Variants in KAZN observed in about 807,000 individuals in gnomAD.
KAZN encodes kazrin, periplakin interacting protein.
A neutral mutation model predicts 87.4 loss-of-function variants in KAZN; 40 were observed. The observed-to-expected ratio is 0.46, with a 90% CI of 0.36 to 0.60. The LOEUF (loss-of-function observed/expected upper bound fraction) is 0.60, where lower values mean the gene tolerates loss of function less well. KAZN is among the 20% of genes least tolerant of loss of function. KAZN has a pLI of 0.00. For missense variants in KAZN, 898 were observed against 1,073.9 expected (o/e 0.84, Z 2.29); for synonymous variants, 466 against 458.3 (o/e 1.02, Z -0.22).
chr1:15,018,289 C>T (rs1184508792), intron 2 of KAZN, among the ~76,000 whole-genome samples: 1 of 152,022 alleles, frequency 6.6e-6, no homozygotes, highest in Non-Finnish European at 1.5e-5. Context: ...CTGAGAATGG[C>T]GGTCTAAATA....
Position 13,920,243 on chromosome 1 carries a change from CAA to C in KAZN, c.91+26506_91+26507del, listed in dbSNP as rs56221437. On this transcript the variant is annotated intron_variant, in intron 1 of 16. Transcript: ENST00000636203. ...CCAGTGACACAGCGAGACCCTGTCTCAAAAAAAAAAAAAAAAAAAAGGTTATT... is the reference window on the plus strand; with the variant it reads ...CCAGTGACACAGCGAGACCCTGTCTCAAAAAAAAAAAAAAAAAAGGTTATT... 7.8e-3 allele frequency among the ~76,000 whole-genome samples: 562 copies of C among 71,738 alleles called. 2 individuals are homozygous for C. The highest frequency in any genetic ancestry group is 0.024 in the African/African-American group (501 of 20,650). The allele number at this position is 71,738 out of a possible 152,430, so 47.1% of individuals were successfully genotyped here. A position where few individuals can be genotyped will look rare whatever the true frequency, so the allele number is the denominator to read the frequency against.
intron 1 of KAZN, among the ~76,000 whole-genome samples, chr1:13,941,208 C>CA (rs201485155): frequency 3.1e-4 from 47 of 151,430 alleles, no homozygotes; most frequent in South Asian, 8.3e-4. Context: ...ACAACAACAA[C>CA]AAAAAAAAAA....
Position 14,984,951 on chromosome 1 carries a change from T to C in KAZN, c.418+24076T>C, listed in dbSNP as rs145276025. Among the ~76,000 whole-genome samples the C allele has an allele frequency of 9.3e-3, 1,411 of 151,238 alleles. 17 individuals are homozygous for C. Among genetic ancestry groups the C allele is most frequent in the African/African-American group, 0.033 (1,352 of 41,222 alleles). On this transcript the variant is annotated intron_variant, in intron 2 of 14. Coordinates refer to ENST00000376030, the MANE Select transcript of KAZN (RefSeq NM_201628.3). The stretch of plus-strand genomic sequence containing the variant: ...AGGAGTTCAAGACCAGCCTGGCCAA[T>C]ATGATGAAACCTCGTCTCTACTACA...
chr1:14,896,676 CT>C lies in KAZN; in HGVS notation c.227-64004del, dbSNP rs201506333. ...CCCAGCAGTGGGACAGAAAGCCCAT[CT>C]TTTCTAGGGCCAAGAGAGGAACTTT... is the stretch of plus-strand genomic sequence containing the variant. On this transcript the variant is annotated intron_variant, in intron 1 of 14. Coordinates refer to ENST00000376030, the MANE Select transcript of KAZN (RefSeq NM_201628.3). 9.1e-3 allele frequency among the ~76,000 whole-genome samples: 1,392 copies of C among 152,270 alleles called. 112 individuals are homozygous for C. Among genetic ancestry groups the C allele is most frequent in the Admixed American group, 0.086 (1,314 of 15,288 alleles).
intron 2 of KAZN, among the ~76,000 whole-genome samples, chr1:14,203,222 T>G (rs1183514687): frequency 6.6e-6 from 1 of 152,000 alleles, no homozygotes; most frequent in Non-Finnish European, 1.5e-5. Flanking sequence ...TCAAATAGAT[T>G]TTGGAAGAGT....
At position 13,894,457 on chromosome 1, in the gene KAZN, T is replaced by C. The variant is rs1570200010; in HGVS notation, c.91+701T>C. On this transcript the variant is annotated intron_variant, in intron 1 of 16. Transcript: ENST00000636203. The stretch of plus-strand genomic sequence containing the variant: ...GTGCAAATAGTCACCATGCTCAAAC[T>C]CACAAGTGGTGCTTAAGACATGCTT... 2.0e-5 allele frequency among the ~76,000 whole-genome samples: 3 copies of C among 152,166 alleles called. No homozygotes were observed. The South Asian group carries it at 6.2e-4, about 32-fold the overall frequency.
intron 2 of KAZN, among the ~76,000 whole-genome samples, chr1:14,234,275 A>G (rs1371018136): frequency 2.0e-5 from 3 of 152,194 alleles, no homozygotes; most frequent in Non-Finnish European, 4.4e-5. Flanking sequence ...GAAACTGGAA[A>G]CCATCATTCT....
At chr1:14,809,465 C>T (rs1404140864) in intron 1 of KAZN, among the ~76,000 whole-genome samples, 3 of 152,182 alleles carry the variant, frequency 2.0e-5, no homozygotes, top group Admixed American at 6.5e-5. Context: ...ACATCACTTC[C>T]TGCTTTTGAT....
At position 13,971,235 on chromosome 1, in the gene KAZN, C is replaced by G. The variant is rs551000348; in HGVS notation, c.91+77479C>G. ...TGCAGGGATATAACAGTGAGCAAAC[C>G]TAATTGTAAAAGAGAGCAAGTGGAA... On this transcript the variant is annotated intron_variant, in intron 1 of 16. Coordinates refer to the KAZN transcript ENST00000636203. 3.3e-5 allele frequency among the ~76,000 whole-genome samples: 5 copies of G among 152,286 alleles called. No individual in the cohort carries two copies. The South Asian group carries it at 6.2e-4, about 19-fold the overall frequency.
intron 2 of KAZN, among the ~76,000 whole-genome samples, chr1:14,360,451 C>T (rs553148420): frequency 7.9e-5 from 12 of 152,166 alleles, no homozygotes; most frequent in Non-Finnish European, 1.5e-4. Flanking sequence ...GTCAATTCAT[C>T]AAACTCATTC....
chr1:14,450,937 T>C (rs1194263978), intron 2 of KAZN, among the ~76,000 whole-genome samples: 1 of 151,914 alleles, frequency 6.6e-6, no homozygotes, highest in East Asian at 1.9e-4. Context: ...CTCGGTGCTG[T>C]CCTCCCGATA....
Position 14,735,613 on chromosome 1 carries a change from T to C in KAZN, c.226+136390T>C, listed in dbSNP as rs1643877849. ...GCAGCCCCCCACGCTGAGATCCATA[T>C]ACCCAAACATCAGCGAGGCTGCCGT... is the stretch of plus-strand genomic sequence containing the variant. On this transcript the variant is annotated intron_variant, in intron 1 of 14. Transcript: ENST00000376030. The surrounding 1 kb of genome is among the most constrained non-coding windows in gnomAD (Gnocchi z 4.3). 6.6e-6 allele frequency among the ~76,000 whole-genome samples: 1 copy of C among 152,118 alleles called. No homozygotes were observed. The highest frequency in any genetic ancestry group is 1.5e-5 in the Non-Finnish European group (1 of 68,028).
At chr1:14,991,213 G>T (rs1667321313) in intron 2 of KAZN, among the ~76,000 whole-genome samples, 1 of 152,020 alleles carries the variant, frequency 6.6e-6, no homozygotes, top group South Asian at 2.1e-4. Context: ...AATTATCCGG[G>T]CGTGGTGGTG....
intron 1 of KAZN, among the ~76,000 whole-genome samples, chr1:14,748,464 G>A (rs904520514): frequency 1.3e-5 from 2 of 152,104 alleles, no homozygotes; most frequent in Admixed American, 1.3e-4. Flanking sequence ...GAAGGGAGTT[G>A]TACACTTCTT....
At chr1:14,146,948 G>A (rs1017472774) in intron 1 of KAZN, among the ~76,000 whole-genome samples, 11 of 152,090 alleles carry the variant, frequency 7.2e-5, no homozygotes. Flanking sequence ...CCAAGACAGT[G>A]AGACCAACCT....
intron 8 of KAZN, among the ~76,000 whole-genome samples, chr1:15,082,496 A>G (rs1406624730): frequency 6.6e-6 from 1 of 152,232 alleles, no homozygotes; most frequent in African/African-American, 2.4e-5. Flanking sequence ...TAGTAAAAGA[A>G]GAAAAAAAAT....
intron 1 of KAZN, among the ~76,000 whole-genome samples, chr1:13,918,668 G>C: frequency 6.6e-6 from 1 of 152,368 alleles, no homozygotes; most frequent in South Asian, 2.1e-4. Context: ...GTCCATTGAT[G>C]TGGCAAACTT....
intron 2 of KAZN, among the ~76,000 whole-genome samples, chr1:14,360,744 C>T (rs1452062657): frequency 6.6e-6 from 1 of 152,228 alleles, no homozygotes; most frequent in Admixed American, 6.5e-5. Flanking sequence ...TCCAGACCCT[C>T]TTTGCCTGGC....
chr1:14,211,404 T>C (rs1184866214), intron 2 of KAZN, among the ~76,000 whole-genome samples: 1 of 152,248 alleles, frequency 6.6e-6, no homozygotes, highest in Middle Eastern at 3.4e-3. Context: ...TTTTGTATTT[T>C]TAGTAGAGAC....
Sources: gnomAD v4.1 joint callset for allele counts (sites outside exome capture counted in the v4.1 genomes callset) on GRCh38, gnomAD v4.1.1 for gene constraint, Gnocchi (gnomAD v3.1) non-coding constraint, MANE v1.5 for transcripts, NCBI Gene and HGNC (gene_info 2026-07-23, HGNC 2026-07-21) for gene names.